The following BTBD7 variants were observed in gnomAD, a reference collection of about 807,000 sequenced individuals.
The protein encoded by BTBD7 is BTB domain containing 7, also known as BTB/POZ domain-containing protein 7.
BTBD7 carries 38 observed loss-of-function variants against 99.9 expected under a neutral mutation model. The observed-to-expected ratio is 0.38, with a 90% CI of 0.29 to 0.50. The LOEUF (loss-of-function observed/expected upper bound fraction) is 0.50. Ranked by LOEUF, BTBD7 falls within the 20% of genes least tolerant of loss-of-function variation. The probability of loss-of-function intolerance (pLI) is 0.93; values close to 1 mark genes in which losing one functional copy is unlikely to be tolerated. For synonymous variants in BTBD7, 520 were observed against 511.4 expected (o/e 1.02, Z -0.23); for missense variants, 1,170 against 1,394.6 (o/e 0.84, Z 2.57).
chr14:93,304,993 G>C (rs374351005), intron 1 of BTBD7, among the ~76,000 whole-genome samples: 1 of 152,196 alleles, frequency 6.6e-6, no homozygotes, highest in Non-Finnish European at 1.5e-5. Context: ...TCTTCATGAA[G>C]ACAGTTCAAA....
intron 1 of BTBD7, among the ~76,000 whole-genome samples, chr14:93,300,770 GTGTATATA>G (rs2052992235): frequency 2.8e-5 from 1 of 36,320 alleles, no homozygotes; most frequent in Non-Finnish European, 4.8e-5. Context: ...GTGTGTGTGT[GTGTATATA>G]TATATATATT....
chr14:93,308,287 C>CAAAAAAA, intron 1 of BTBD7, among the ~76,000 whole-genome samples: 1 of 74,944 alleles, frequency 1.3e-5, no homozygotes, highest in Non-Finnish European at 2.9e-5. Flanking sequence ...ACTCGGTCTC[C>CAAAAAAA]AAAAAAAAAA....
intron 10 of BTBD7, among the ~76,000 whole-genome samples, chr14:93,243,486 C>T (rs2052264335): frequency 6.6e-6 from 1 of 152,156 alleles, no homozygotes; most frequent in South Asian, 2.1e-4. Flanking sequence ...AGCCACCGCT[C>T]CTGGCTGAAT....
At chr14:93,270,728 T>G (rs1452827420) in intron 3 of BTBD7, among the ~76,000 whole-genome samples, 1 of 152,018 alleles carries the variant, frequency 6.6e-6, no homozygotes, top group Non-Finnish European at 1.5e-5. Flanking sequence ...ATTAACAATT[T>G]CCTGGTAACA....
intron 1 of BTBD7, among the ~76,000 whole-genome samples, chr14:93,329,106 G>C (rs1328770776): frequency 6.6e-6 from 1 of 151,932 alleles, no homozygotes; most frequent in Non-Finnish European, 1.5e-5. Flanking sequence ...CTACAGAATG[G>C]GAGAAAACAT....
chr14:93,271,891 A>T (rs1216326095), intron 3 of BTBD7, among the ~76,000 whole-genome samples: 1 of 152,144 alleles, frequency 6.6e-6, no homozygotes, highest in Non-Finnish European at 1.5e-5. Context: ...CTGTAGTCCC[A>T]AGCACTCAGG....
chr14:93,257,578 AC>A (rs2139696157), intron 5 of BTBD7, among the ~76,000 whole-genome samples: 2 of 152,380 alleles, frequency 1.3e-5, no homozygotes, highest in South Asian at 4.1e-4. Flanking sequence ...TTATTTTATC[AC>A]TGCTCTGCAA....
rs532372266 is a variant in BTBD7 at position 93,256,898 on chromosome 14, T to C, written c.1608+297A>G. 46 of 287,318 alleles carry C rather than the reference T, an allele frequency of 1.6e-4. No individual in the cohort carries two copies. The East Asian group carries it at 2.5e-3, about 16-fold the overall frequency. 17.8% of individuals were successfully genotyped at this position (287,318 alleles called of 1,614,324 possible). On this transcript the variant is annotated intron_variant, in intron 6 of 10. Coordinates refer to ENST00000334746, the MANE Select transcript of BTBD7 (RefSeq NM_001002860.4). ...AAAGGTAATTTCTACCTTTCCCTTT[T>C]TGAATAAGGGTCTACTTGATCTACA...
intron 1 of BTBD7, among the ~76,000 whole-genome samples, chr14:93,321,840 T>C (rs1420157582): frequency 6.6e-6 from 1 of 152,082 alleles, no homozygotes; most frequent in Non-Finnish European, 1.5e-5. Flanking sequence ...ACATTTGGGA[T>C]GATATCCAAG....
intron 3 of BTBD7, among the ~76,000 whole-genome samples, chr14:93,265,239 T>C (rs1445775929): frequency 6.6e-6 from 1 of 152,206 alleles, no homozygotes; most frequent in Non-Finnish European, 1.5e-5. Flanking sequence ...AATCCCACTT[T>C]CAAGTGATAG....
At chr14:93,244,520 G>C (rs977986307) in intron 10 of BTBD7, among the ~76,000 whole-genome samples, 2 of 152,030 alleles carry the variant, frequency 1.3e-5, no homozygotes, top group African/African-American at 2.4e-5. Context: ...GTGGTGGTGC[G>C]TGCCTGTAAT....
rs56893984 is a variant in BTBD7 at position 93,249,266 on chromosome 14, C to CAAAAAAA, written c.1943-619_1943-613dup. Among the ~76,000 whole-genome samples, 15 of 25,958 alleles carry CAAAAAAA rather than the reference C, an allele frequency of 5.8e-4. 1 individual carries two copies. The highest frequency in any genetic ancestry group is 6.7e-4 in the African/African-American group (5 of 7,486). 17.0% of individuals were successfully genotyped at this position (25,958 alleles called of 152,430 possible). On this transcript the variant is annotated intron_variant, in intron 8 of 10. Coordinates refer to ENST00000334746, the MANE Select transcript of BTBD7 (RefSeq NM_001002860.4). ...GAAGAATGAAAGGAAACCAGATAGGCAAAAAAAAAAAAAAAAAAAAAAAAA... is the reference window on the plus strand; with the variant it reads ...GAAGAATGAAAGGAAACCAGATAGGCAAAAAAAAAAAAAAAAAAAAAAAAAAAAAAAA...
At chr14:93,325,055 C>T (rs1050638564) in intron 1 of BTBD7, among the ~76,000 whole-genome samples, 1 of 150,570 alleles carries the variant, frequency 6.6e-6, no homozygotes, top group African/African-American at 2.5e-5. Context: ...TGGACTTTAT[C>T]GACAAGGGAA....
chr14:93,257,450 T>C, intron 5 of BTBD7, 95 bp from the exon 6 acceptor site: 1 of 1,137,852 alleles, frequency 8.8e-7, no homozygotes, highest in South Asian at 1.9e-5. Flanking sequence ...AGTACCACTC[T>C]ATAGACTTAT....
intron 1 of BTBD7, among the ~76,000 whole-genome samples, chr14:93,305,438 AG>A (rs2053058819): frequency 6.6e-6 from 1 of 152,244 alleles, no homozygotes; most frequent in Non-Finnish European, 1.5e-5. Context: ...TAGCTATAAA[AG>A]ACCCTCTCTG....
At chr14:93,298,784 T>C (rs1191122689) in intron 1 of BTBD7, among the ~76,000 whole-genome samples, 2 of 152,140 alleles carry the variant, frequency 1.3e-5, no homozygotes, top group Non-Finnish European at 2.9e-5. Context: ...TTAGATATCC[T>C]AAAGCAATTA....
rs748473033 is a variant in BTBD7, at chr14:93,248,660, A to G, written c.1943-6T>C. ...CATAATGAGGAGACGAGGAACTGGA[A>G]GGAGAACAACAGTGGGCAAGCAAAA... On this transcript the variant is annotated splice_polypyrimidine_tract_variant and splice_region_variant and intron_variant, in intron 8 of 10. Transcript: ENST00000334746. The G allele has an allele frequency of 6.9e-6, 11 of 1,598,558 alleles. No individual in the cohort carries two copies. In the Admixed American group the frequency reaches 1.9e-4, roughly 28 times the overall value.
At chr14:93,283,399 A>G (rs2052742840) in intron 3 of BTBD7, among the ~76,000 whole-genome samples, 1 of 152,236 alleles carries the variant, frequency 6.6e-6, no homozygotes, top group Non-Finnish European at 1.5e-5. Flanking sequence ...TATTTTAAAT[A>G]AAAAGAAATT....
rs573000427 is a variant in BTBD7 at position 93,279,477 on chromosome 14, C to T, written c.1162+14381G>A. 2.4e-4 allele frequency among the ~76,000 whole-genome samples: 36 copies of T among 152,306 alleles called. No individual in the cohort carries two copies. The South Asian group carries it at 7.0e-3, about 30-fold the overall frequency. ...GGCTTCTCGTCCTCCTAGGTACTCC[C>T]CCAGCACCCAGTGTTCTATTAGGGC... On this transcript the variant is annotated intron_variant, in intron 3 of 10. Coordinates refer to ENST00000334746, the MANE Select transcript of BTBD7 (RefSeq NM_001002860.4).
Sources: gnomAD v4.1 joint callset for allele counts (sites outside exome capture counted in the v4.1 genomes callset) on GRCh38, gnomAD v4.1.1 for gene constraint, MANE v1.5 for transcripts, NCBI Gene and HGNC (gene_info 2026-07-23, HGNC 2026-07-21) for gene names.